The following BUD23 variants were observed in gnomAD, a reference collection of about 807,000 sequenced individuals.
BUD23 encodes the protein 18S rRNA (guanine-N(7))-methyltransferase.
A neutral mutation model predicts 47.0 loss-of-function variants in BUD23; 34 were observed. That is an observed-to-expected ratio of 0.72 (90% CI 0.55 to 0.96). BUD23 has a LOEUF of 0.96. BUD23 is among the 40% of genes least tolerant of loss of function. The pLI, the probability that BUD23 is intolerant of heterozygous loss-of-function variation, is 0.00. For synonymous variants in BUD23, 124 were observed against 132.0 expected (o/e 0.94, Z 0.41); for missense variants, 343 against 361.2 (o/e 0.95, Z 0.41).
In BUD23 at chr7:73,686,981, GC is replaced by G. The variant is rs1798000932; in HGVS notation, c.266-16del. The stretch of plus-strand genomic sequence containing the variant: ...CACAGGTATTTCTCTTTCTCTGACT[GC>G]CTTTTCTCTAATGTAGATGAGGCTG... On this transcript the variant is annotated splice_polypyrimidine_tract_variant and intron_variant, in intron 4 of 11. Transcript: ENST00000265758. The G allele has an allele frequency of 6.8e-6, 11 of 1,614,160 alleles. No homozygotes were observed. Among genetic ancestry groups the G allele is most frequent in the Non-Finnish European group, 9.3e-6 (11 of 1,180,004 alleles).
intron 5 of BUD23, among the ~76,000 whole-genome samples, chr7:73,688,052 C>T (rs557630445): frequency 2.0e-5 from 3 of 152,178 alleles, no homozygotes; most frequent in South Asian, 4.1e-4. Flanking sequence ...CCCACCACCA[C>T]GCCCAGCTAA....
At chr7:73,692,786 A>G in intron 7 of BUD23, 140 bp downstream of exon 7, 1 of 763,128 alleles carries the variant, frequency 1.3e-6, no homozygotes, top group South Asian at 1.9e-5. Context: ...CTGATGGCAC[A>G]TTTGATGACC....
intron 10 of BUD23, chr7:73,696,627 G>A (rs1245805453): frequency 6.6e-6 from 1 of 152,228 alleles, no homozygotes; most frequent in Non-Finnish European, 1.5e-5. Context: ...GCAGGGAGGA[G>A]CTTCTCCCGT....
At chr7:73,689,749 A>C (rs576444653) in intron 5 of BUD23, among the ~76,000 whole-genome samples, 2 of 152,264 alleles carry the variant, frequency 1.3e-5, no homozygotes, top group African/African-American at 4.8e-5. Flanking sequence ...TGTCCTAAGA[A>C]GTTTGGGCTT....
intron 10 of BUD23, chr7:73,696,385 C>T (rs1554614860): frequency 6.6e-6 from 1 of 152,262 alleles, no homozygotes; most frequent in African/African-American, 2.4e-5. Context: ...GTACACATTG[C>T]CTTATCTCCA....
chr7:73,696,090 G>T (rs918431234), intron 10 of BUD23: 1 of 152,182 alleles, frequency 6.6e-6, no homozygotes, highest in African/African-American at 2.4e-5. Context: ...TATATCTGAG[G>T]TCCAGTTGAC....
intron 2 of BUD23, among the ~76,000 whole-genome samples, chr7:73,684,816 C>T (rs1180326142): frequency 4.1e-5 from 6 of 145,628 alleles, no homozygotes; most frequent in Admixed American, 6.9e-5. Flanking sequence ...CCCAGCTACT[C>T]GGGAGGCTGA....
intron 2 of BUD23, among the ~76,000 whole-genome samples, chr7:73,685,771 T>C (rs1341219638): frequency 6.6e-6 from 1 of 151,890 alleles, no homozygotes; most frequent in African/African-American, 2.4e-5. Flanking sequence ...TTAATGGAAA[T>C]ACGTTATTAA....
chr7:73,690,835 C>T (rs548294353), intron 5 of BUD23, 81 bp from the exon 6 acceptor site: 16 of 1,111,372 alleles, frequency 1.4e-5, no homozygotes, highest in Admixed American at 5.4e-5. Context: ...AGAGCCAGGA[C>T]GGATGATGTC....
chr7:73,692,699 A>G, intron 7 of BUD23, 53 bp downstream of exon 7: 1 of 1,563,756 alleles, frequency 6.4e-7, no homozygotes, highest in Non-Finnish European at 8.8e-7. Context: ...TCAACAGGTA[A>G]GCTGTCCTGG....
At chr7:73,687,831 T>G (rs527746038) in intron 5 of BUD23, among the ~76,000 whole-genome samples, 3 of 152,078 alleles carry the variant, frequency 2.0e-5, no homozygotes, top group Non-Finnish European at 4.4e-5. Flanking sequence ...TTTTTTTGGA[T>G]TCTAAAACTT....
chr7:73,693,609 A>G lies in BUD23; in HGVS notation c.597-15A>G. ...TTTCTCCACCCAACCCTCACTTTGCACTTTCTCCTTTCAGATTCTACCTCT... is the reference window on the plus strand; with the variant it reads ...TTTCTCCACCCAACCCTCACTTTGCGCTTTCTCCTTTCAGATTCTACCTCT... On this transcript the variant is annotated splice_polypyrimidine_tract_variant and intron_variant, in intron 8 of 11. Transcript: ENST00000265758. The G allele has an allele frequency of 6.2e-7, 1 of 1,614,070 alleles. No individual in the cohort carries two copies. Among genetic ancestry groups the G allele is most frequent in the Non-Finnish European group, 8.5e-7 (1 of 1,179,986 alleles).
intron 10 of BUD23, chr7:73,695,071 C>G (rs1554614670): frequency 6.6e-6 from 1 of 152,516 alleles, no homozygotes; most frequent in Non-Finnish European, 1.5e-5. Flanking sequence ...CTGCCTCAGC[C>G]TCCCAAGTAG....
intron 10 of BUD23, chr7:73,697,241 C>G (rs1414661607): frequency 3.5e-6 from 2 of 578,084 alleles, no homozygotes; most frequent in Non-Finnish European, 6.2e-6. Context: ...TGTGAACTGT[C>G]GACTGTGCTC....
At chr7:73,690,191 G>T (rs1291076362) in intron 5 of BUD23, among the ~76,000 whole-genome samples, 1 of 152,112 alleles carries the variant, frequency 6.6e-6, no homozygotes, top group Non-Finnish European at 1.5e-5. Context: ...TTTTAGTAGA[G>T]ACGGGGTTTC....
chr7:73,686,608 A>G (rs781787121), intron 2 of BUD23, 28 bp from the exon 3 acceptor site: 5 of 1,608,058 alleles, frequency 3.1e-6, no homozygotes, highest in South Asian at 1.1e-5. Context: ...CTCCTTTACC[A>G]TGTCCACTTG....
Position 73,683,658 on chromosome 7 carries a change from C to A in BUD23, c.33C>A (p.Gly11=), listed in dbSNP as rs1050380117. MASRGRRPEH[G]GPPELFYDET... is the part of the protein sequence containing the mutation. ...CCCGCGGCCGGCGTCCGGAGCATGG[C>A]GGACCCCCAGAGCTGGTAAGTCCCG... is the stretch of plus-strand genomic sequence containing the variant. Residue 11 remains glycine (G), a synonymous_variant, in exon 1 of 12, where the codon GGC becomes GGA. Coordinates refer to ENST00000265758, the MANE Select transcript of BUD23 (RefSeq NM_017528.5). The A allele has an allele frequency of 1.2e-6, 2 of 1,612,898 alleles. No homozygotes were observed. The highest frequency in any genetic ancestry group is 1.1e-5 in the South Asian group (1 of 91,022).
rs781867943 is a variant in BUD23, at chr7:73,683,656, G to A, written c.31G>A (p.Gly11Ser). ...GTCCCGCGGCCGGCGTCCGGAGCAT[G>A]GCGGACCCCCAGAGCTGGTAAGTCC... MASRGRRPEH[G>S]GPPELFYDET... The change falls in exon 1 of 12, where the codon GGC (glycine) becomes AGC (serine). Residue 11 changes from glycine (G) to serine (S), a missense_variant. Gly to Ser is a moderately conservative substitution (Grantham distance 56). Coordinates refer to ENST00000265758, the MANE Select transcript of BUD23 (RefSeq NM_017528.5). The A allele has an allele frequency of 1.4e-5, 23 of 1,613,038 alleles. No individual in the cohort carries two copies. The highest frequency in any genetic ancestry group is 1.8e-5 in the Non-Finnish European group (21 of 1,179,730).
intron 8 of BUD23, 93 bp from the exon 9 acceptor site, chr7:73,693,531 G>A: frequency 6.3e-7 from 1 of 1,598,694 alleles, no homozygotes. Context: ...CAGGGTCCAG[G>A]CAGGCGGAGG....
Sources: allele counts gnomAD v4.1 joint callset (sites outside exome capture counted in the v4.1 genomes callset), GRCh38; gene constraint gnomAD v4.1.1; transcripts MANE v1.5; gene names NCBI Gene and HGNC (gene_info 2026-07-23, HGNC 2026-07-21).